ARHGAP35: variants seen among roughly 807,000 people sequenced by gnomAD.
ARHGAP35 encodes Rho GTPase activating protein 35.
Under a neutral mutation model 111.1 loss-of-function variants are expected in ARHGAP35, and 15 were observed. That is an observed-to-expected ratio of 0.13 (90% CI 0.09 to 0.21). The LOEUF is 0.21. ARHGAP35 is among the 10% of genes least tolerant of loss of function. The pLI is 1.00. For missense variants in ARHGAP35, 1,262 were observed against 1,873.0 expected, an observed-to-expected ratio of 0.67 and a Z score of 6.02; for synonymous variants, 643 against 710.3, an observed-to-expected ratio of 0.91 and a Z score of 1.51.
intron 1 of ARHGAP35, among the ~76,000 whole-genome samples, chr19:46,868,057 G>A (rs1419551061): frequency 2.0e-5 from 3 of 152,028 alleles, no homozygotes; most frequent in Non-Finnish European, 2.9e-5. Flanking sequence ...TAGTAGAGAC[G>A]GGGTTTTGCC....
intron 1 of ARHGAP35, among the ~76,000 whole-genome samples, chr19:46,893,614 C>A (rs1478731708): frequency 6.6e-6 from 1 of 151,564 alleles, no homozygotes; most frequent in South Asian, 2.1e-4. Flanking sequence ...CTTCTCTCCC[C>A]CCTTGGTTTT....
At chr19:46,863,666 C>T (rs1395213222) in intron 1 of ARHGAP35, among the ~76,000 whole-genome samples, 1 of 152,026 alleles carries the variant, frequency 6.6e-6, no homozygotes, top group Non-Finnish European at 1.5e-5. Flanking sequence ...GCCTTCGCCC[C>T]TCCCCCCCAG....
At chr19:46,991,580 T>C (rs373141291) in intron 5 of ARHGAP35, among the ~76,000 whole-genome samples, 6 of 152,172 alleles carry the variant, frequency 3.9e-5, no homozygotes, top group African/African-American at 1.4e-4. Flanking sequence ...CTTCCCATTG[T>C]GTGTTTCCTG....
intron 3 of ARHGAP35, among the ~76,000 whole-genome samples, chr19:46,939,537 G>A (rs550308142): frequency 6.6e-6 from 1 of 152,058 alleles, no homozygotes; most frequent in East Asian, 1.9e-4. Flanking sequence ...AGGCTCCTGA[G>A]TAGCTAGGAT....
chr19:46,866,425 A>G (rs1486693503), intron 1 of ARHGAP35, among the ~76,000 whole-genome samples: 2 of 152,154 alleles, frequency 1.3e-5, no homozygotes, highest in Non-Finnish European at 2.9e-5. Flanking sequence ...AAAGTACTGG[A>G]TTTATATAAG....
At chr19:46,871,058 G>A (rs2055885069) in intron 1 of ARHGAP35, among the ~76,000 whole-genome samples, 4 of 152,198 alleles carry the variant, frequency 2.6e-5, no homozygotes, top group Admixed American at 2.6e-4. Flanking sequence ...ATGTGAACAT[G>A]TAGGATGTTT....
chr19:46,930,310 T>C (rs1045900970), intron 2 of ARHGAP35, among the ~76,000 whole-genome samples: 2 of 147,940 alleles, frequency 1.4e-5, no homozygotes, highest in Non-Finnish European at 3.0e-5. Flanking sequence ...CAGTGAGCCA[T>C]GATTACACCA....
chr19:46,871,490 G>A (rs1381325408), intron 1 of ARHGAP35, among the ~76,000 whole-genome samples: 3 of 151,928 alleles, frequency 2.0e-5, no homozygotes, highest in African/African-American at 4.8e-5. Context: ...TTACAGGTGC[G>A]TGCCACCACG....
intron 1 of ARHGAP35, among the ~76,000 whole-genome samples, chr19:46,875,426 A>C (rs1385315981): frequency 6.6e-6 from 1 of 152,074 alleles, no homozygotes; most frequent in African/African-American, 2.4e-5. Context: ...TAAAAGTATG[A>C]GTTTCTGAAT....
chr19:46,921,929 C>G lies in ARHGAP35; in HGVS notation c.3254C>G (p.Ser1085Cys). The G allele has an allele frequency of 6.2e-7, 1 of 1,614,008 alleles. No homozygotes were observed. The highest frequency in any genetic ancestry group is 8.5e-7 in the Non-Finnish European group (1 of 1,179,904). Reference sequence around the variant, plus strand: ...CTGCCTCAGGATGGGTTTGATCCTTCTGACTATGCTGAACCCATGGATGCT... The same window carrying G: ...CTGCCTCAGGATGGGTTTGATCCTTGTGACTATGCTGAACCCATGGATGCT... ...PWLPQDGFDPSDYAEPMDAVV... is the reference protein window; with the variant it reads ...PWLPQDGFDPCDYAEPMDAVV... The change falls in exon 2 of 7, where the codon TCT becomes TGT. Residue 1085 changes from serine to cysteine, a missense_variant. Transcript: ENST00000672722. The surrounding 1 kb of genome is among the most constrained non-coding windows in gnomAD (Gnocchi z 4.3).
chr19:46,964,297 CTCTA>C (rs1164379466), intron 3 of ARHGAP35, among the ~76,000 whole-genome samples: 1 of 151,768 alleles, frequency 6.6e-6, no homozygotes, highest in African/African-American at 2.4e-5. Flanking sequence ...CAGGATCTTG[CTCTA>C]TCACCCAGGC....
intron 1 of ARHGAP35, among the ~76,000 whole-genome samples, chr19:46,916,349 C>G (rs560124053): frequency 4.3e-5 from 6 of 140,226 alleles, no homozygotes; most frequent in African/African-American, 1.7e-4. Context: ...ACTGGCAGTG[C>G]TTTTTTTTGC....
At chr19:46,939,463 G>A (rs1453748735) in intron 3 of ARHGAP35, among the ~76,000 whole-genome samples, 1 of 151,830 alleles carries the variant, frequency 6.6e-6, no homozygotes, top group Non-Finnish European at 1.5e-5. Flanking sequence ...AGGCTGGAGT[G>A]CAGTGGCACG....
At chr19:46,968,247 G>A (rs2056526325) in intron 3 of ARHGAP35, among the ~76,000 whole-genome samples, 1 of 152,232 alleles carries the variant, frequency 6.6e-6, no homozygotes. Flanking sequence ...GCAGTATCTG[G>A]GCAGGAGCAA....
intron 1 of ARHGAP35, among the ~76,000 whole-genome samples, chr19:46,912,549 G>A (rs1176372229): frequency 6.6e-6 from 1 of 151,412 alleles, no homozygotes; most frequent in Admixed American, 6.6e-5. Context: ...GTAGAGACAG[G>A]ATTTCACCAT....
chr19:46,966,244 A>T (rs1186756351), intron 3 of ARHGAP35, among the ~76,000 whole-genome samples: 1 of 151,808 alleles, frequency 6.6e-6, no homozygotes, highest in Non-Finnish European at 1.5e-5. Context: ...TTTTTATTTT[A>T]TTTATATACA....
rs939797189 is a variant in ARHGAP35 at position 46,994,716 on chromosome 19, G to A, written c.4037-4588G>A. The stretch of plus-strand genomic sequence containing the variant: ...TTCCCCTCTTTCCACTAGACCGTAA[G>A]CGGCAGGGAATTTGGTTTTTGTCCC... On this transcript the variant is annotated intron_variant, in intron 5 of 6. Coordinates refer to ENST00000672722, the MANE Select transcript of ARHGAP35 (RefSeq NM_004491.5). The surrounding 1 kb of genome is among the most constrained non-coding windows in gnomAD (Gnocchi z 5.4). 3.3e-5 allele frequency among the ~76,000 whole-genome samples: 5 copies of A among 152,160 alleles called. No individual in the cohort carries two copies. The highest frequency in any genetic ancestry group is 7.4e-5 in the Non-Finnish European group (5 of 68,026).
intron 1 of ARHGAP35, among the ~76,000 whole-genome samples, chr19:46,914,225 A>C (rs1340850324): frequency 1.3e-5 from 2 of 152,214 alleles, no homozygotes; most frequent in African/African-American, 4.8e-5. Context: ...GAAAGTTACC[A>C]GGTGTCCCAA....
chr19:46,998,199 C>CA (rs1568491640), intron 5 of ARHGAP35, among the ~76,000 whole-genome samples: 1 of 152,154 alleles, frequency 6.6e-6, no homozygotes, highest in African/African-American at 2.4e-5. Context: ...TGTCTCCGGC[C>CA]GAGACGGTCT....
Sources: allele counts gnomAD v4.1 joint callset (sites outside exome capture counted in the v4.1 genomes callset), GRCh38; gene constraint gnomAD v4.1.1; non-coding constraint Gnocchi (gnomAD v3.1); transcripts MANE v1.5; gene names NCBI Gene and HGNC (gene_info 2026-07-23, HGNC 2026-07-21).